INPP5J: variants seen among roughly 807,000 people sequenced by gnomAD.
INPP5J encodes the protein inositol polyphosphate-5-phosphatase J.
A neutral mutation model predicts 86.6 loss-of-function variants in INPP5J; 75 were observed. The observed-to-expected ratio is 0.87, with a 90% CI of 0.72 to 1.05. The LOEUF is 1.05. Ranked by LOEUF, INPP5J falls within the 50% of genes least tolerant of loss-of-function variation. INPP5J has a pLI of 0.00. For synonymous variants in INPP5J, 540 were observed against 550.0 expected (o/e 0.98, Z 0.25); for missense variants, 1,229 against 1,341.2 (o/e 0.92, Z 1.31).
rs1280088543 is a variant in INPP5J at position 31,126,357 on chromosome 22, C to T, written c.1272-19C>T. The T allele has an allele frequency of 4.4e-6, 7 of 1,587,358 alleles. No individual in the cohort carries two copies. The highest frequency in any genetic ancestry group is 1.3e-5 in the African/African-American group (1 of 74,462). ...GGGAGTGGTGCCAGGACTACACCCT[C>T]ATATGCCCCTGCCCTCAGGATCACT... On this transcript the variant is annotated intron_variant, in intron 2 of 12. Transcript: ENST00000331075.
chr22:31,130,085 T>C (rs1370979763), intron 9 of INPP5J, among the ~76,000 whole-genome samples: 1 of 152,094 alleles, frequency 6.6e-6, no homozygotes, highest in Non-Finnish European at 1.5e-5. Context: ...CTCACGCCTG[T>C]AATCCCAGCA....
At position 31,127,398 on chromosome 22, in the gene INPP5J, G is replaced by C; in HGVS notation, c.1653G>C (p.Gly551=). ...TGAGCGTGCGCCTGGCGGCCTTCGGGCACATGCTCTGCTTCCTGAACTGCC... is the reference window on the plus strand; with the variant it reads ...TGAGCGTGCGCCTGGCGGCCTTCGGCCACATGCTCTGCTTCCTGAACTGCC... ...GGVSVRLAAF[G]HMLCFLNCHL... is the part of the protein sequence containing the mutation. Residue 551 remains glycine, a synonymous_variant, in exon 6 of 13, where the codon GGG becomes GGC. Transcript: ENST00000331075. 1 of 1,613,548 alleles carries C rather than the reference G, an allele frequency of 6.2e-7. No homozygotes were observed. The highest frequency in any genetic ancestry group is 2.2e-5 in the East Asian group (1 of 44,862).
chr22:31,134,114 C>T lies in INPP5J; in HGVS notation c.2716C>T (p.Arg906Cys), dbSNP rs112969065. ...TGCCCTACGGCCCTCATCCCGTGAA[C>T]GCCGTGGTGCCAGCCGTAGCCCCTC... ...GLALRPSSRERRGASRSPSPQ... is the reference protein window; with the variant it reads ...GLALRPSSRECRGASRSPSPQ... The change falls in exon 13 of 13, where the codon CGC (arginine) becomes TGC (cysteine). Residue 906 changes from arginine (R) to cysteine (C), a missense_variant. Arg to Cys is a radical substitution (Grantham distance 180). Coordinates refer to ENST00000331075, the MANE Select transcript of INPP5J (RefSeq NM_001284285.2). The T allele has an allele frequency of 1.5e-4, 235 of 1,551,826 alleles. No individual in the cohort carries two copies. Among genetic ancestry groups the T allele is most frequent in the Non-Finnish European group, 1.7e-4 (194 of 1,147,806 alleles).
Position 31,133,432 on chromosome 22 carries a change from T to C in INPP5J, c.2358T>C (p.Tyr786=), listed in dbSNP as rs373268443. Residue 786 remains tyrosine, a synonymous_variant, in exon 11 of 13, where the codon TAT becomes TAC. Coordinates refer to ENST00000331075, the MANE Select transcript of INPP5J (RefSeq NM_001284285.2). Reference sequence around the variant, plus strand: ...TGGGTTTCCGCCATTGCAAGGACTATGTGGCTTATGTCTGGGCCAAACATG... The same window carrying C: ...TGGGTTTCCGCCATTGCAAGGACTACGTGGCTTATGTCTGGGCCAAACATG... The part of the protein sequence containing the change: ...YRVGFRHCKD[Y]VAYVWAKHED... The C allele has an allele frequency of 1.2e-6, 2 of 1,613,772 alleles. No homozygotes were observed. The highest frequency in any genetic ancestry group is 2.2e-5 in the East Asian group (1 of 44,892).
chr22:31,128,455 C>A lies in INPP5J; in HGVS notation c.2010-16C>A, dbSNP rs947420734. The A allele has an allele frequency of 6.2e-7, 1 of 1,612,834 alleles. No individual in the cohort carries two copies. Among genetic ancestry groups the A allele is most frequent in the Middle Eastern group, 1.6e-4 (1 of 6,062 alleles). On this transcript the variant is annotated splice_polypyrimidine_tract_variant and intron_variant, in intron 8 of 12. Transcript: ENST00000331075. ...TCCCCAGCCCCTGAAACTTGGGGTA[C>A]CCCTGCTCACTGCAGTGCCAAGAAA...
chr22:31,125,167 C>T lies in INPP5J; in HGVS notation c.428C>T (p.Pro143Leu), dbSNP rs1199154027. The T allele has an allele frequency of 1.9e-6, 3 of 1,550,478 alleles. No homozygotes were observed. Among genetic ancestry groups the T allele is most frequent in the Non-Finnish European group, 2.6e-6 (3 of 1,146,986 alleles). The change falls in exon 2 of 13, where the codon CCT becomes CTT. Residue 143 changes from proline to leucine, a missense_variant. Physicochemically the swap from Pro to Leu is moderately conservative, Grantham distance 98. Transcript: ENST00000331075. Reference sequence around the variant, plus strand: ...CCGACGTCCCTGGGGCTGGTGATGCCTGCCTCAGCAGGGCCAAGATCTCCC... The same window carrying T: ...CCGACGTCCCTGGGGCTGGTGATGCTTGCCTCAGCAGGGCCAAGATCTCCC... ...LAPTSLGLVM[P>L]ASAGPRSPPV...
chr22:31,126,951 C>T lies in INPP5J; in HGVS notation c.1525C>T (p.Leu509=), dbSNP rs1388055326. ...VSSVRMQGVI[L]LLFAKYYHLP... is the part of the protein sequence containing the mutation. ...TTCGGTGAGGATGCAGGGTGTCATC[C>T]TGCTGCTGTTCGCCAAGTACTACCA... The change falls in exon 5 of 13, where the codon CTG becomes TTG. Residue 509 remains leucine, a synonymous_variant. Transcript: ENST00000331075. 6.2e-7 allele frequency: 1 copy of T among 1,610,478 alleles called. No individual in the cohort carries two copies. The highest frequency in any genetic ancestry group is 8.5e-7 in the Non-Finnish European group (1 of 1,178,420).
chr22:31,131,429 G>A (rs1922053847), intron 9 of INPP5J, among the ~76,000 whole-genome samples: 1 of 152,086 alleles, frequency 6.6e-6, no homozygotes, highest in Admixed American at 6.6e-5. Flanking sequence ...TGGGTGTGGT[G>A]GTGCGCACCT....
Position 31,126,496 on chromosome 22 carries a change from T to A in INPP5J, c.1385+7T>A, listed in dbSNP as rs1451231359. 4 of 1,612,452 alleles carry A rather than the reference T, an allele frequency of 2.5e-6. No individual in the cohort carries two copies. The highest frequency in any genetic ancestry group is 3.4e-6 in the Non-Finnish European group (4 of 1,178,890). ...CAGACATGATCGCCATAGGGTGAGG[T>A]GGCAGGGCATGTGGACCCCCTCCTG... On this transcript the variant is annotated splice_region_variant and intron_variant, in intron 3 of 12. Transcript: ENST00000331075.
At chr22:31,130,988 G>T (rs184509651) in intron 9 of INPP5J, among the ~76,000 whole-genome samples, 418 of 152,220 alleles carry the variant, frequency 2.7e-3, no homozygotes, top group Admixed American at 5.3e-3. Flanking sequence ...TTTCAGCCCT[G>T]AAACCCAACT....
In INPP5J at chr22:31,125,003, A is replaced by G. The variant is rs1348217166; in HGVS notation, c.264A>G (p.Pro88=). ...CATCTCCCCGACCAATCCTGGCTCC[A>G]CTGTGTACCCCTGAAGGGCAGAAAA... The part of the protein sequence containing the change: ...ALASPRPILA[P]LCTPEGQKTA... Residue 88 remains proline, a synonymous_variant, in exon 2 of 13, where the codon CCA becomes CCG. Transcript: ENST00000331075. 1.3e-6 allele frequency: 2 copies of G among 1,573,686 alleles called. No individual in the cohort carries two copies. The highest frequency in any genetic ancestry group is 1.9e-5 in the Admixed American group (1 of 53,306).
At position 31,133,127 on chromosome 22, in the gene INPP5J, G is replaced by A. The variant is rs1315252295; in HGVS notation, c.2223G>A (p.Val741=). The A allele has an allele frequency of 6.4e-7, 1 of 1,568,234 alleles. No homozygotes were observed. ...CCTTCAGGGACGACATGCCACTGGT[G>A]CGGCTGGAGGTGGCAGATGAGTGGG... is the stretch of plus-strand genomic sequence containing the variant. The part of the protein sequence containing the change: ...QFAFRDDMPL[V]RLEVADEWVR... Residue 741 remains valine (V), a synonymous_variant, in exon 10 of 13, where the codon GTG becomes GTA. Coordinates refer to ENST00000331075, the MANE Select transcript of INPP5J (RefSeq NM_001284285.2).
In INPP5J at chr22:31,125,941, C is replaced by T; in HGVS notation, c.1202C>T (p.Ser401Phe). 11 of 1,612,158 alleles carry T rather than the reference C, an allele frequency of 6.8e-6. No homozygotes were observed. The highest frequency in any genetic ancestry group is 8.5e-6 in the Non-Finnish European group (10 of 1,178,638). Reference sequence around the variant, plus strand: ...GCCCCAGCCCCAGTCACCACCTCCTCTTCTACATCCACCCTGTCATCCTCC... The same window carrying T: ...GCCCCAGCCCCAGTCACCACCTCCTTTTCTACATCCACCCTGTCATCCTCC... ...QEAPAPVTTS[S>F]STSTLSSSPW... The change falls in exon 2 of 13, where the codon TCT becomes TTT. Residue 401 changes from serine to phenylalanine, a missense_variant. Physicochemically the swap from Ser to Phe is radical, Grantham distance 155. Coordinates refer to ENST00000331075, the MANE Select transcript of INPP5J (RefSeq NM_001284285.2).
At chr22:31,126,332 G>C in intron 2 of INPP5J, 44 bp from the exon 3 acceptor site, 8 of 1,459,394 alleles carry the variant, frequency 5.5e-6, no homozygotes, top group Non-Finnish European at 7.6e-6. Context: ...TTGAGGGTGA[G>C]GGAGTGGTGC....
Position 31,125,974 on chromosome 22 carries a change from C to T in INPP5J, c.1235C>T (p.Ser412Leu). 2 of 1,599,872 alleles carry T rather than the reference C, an allele frequency of 1.3e-6. No homozygotes were observed. Among genetic ancestry groups the T allele is most frequent in the Non-Finnish European group, 1.7e-6 (2 of 1,170,114 alleles). ...TCCACCCTGTCATCCTCCCCTTGGT[C>T]AGCTCAGCCTACCTGGAAGAGCGAC... ...STSTLSSSPW[S>L]AQPTWKSDPG... Residue 412 changes from serine to leucine, a missense_variant, in exon 2 of 13, where the codon TCA becomes TTA. Physicochemically the swap from Ser to Leu is moderately radical, Grantham distance 145. Coordinates refer to ENST00000331075, the MANE Select transcript of INPP5J (RefSeq NM_001284285.2).
At position 31,128,538 on chromosome 22, in the gene INPP5J, C is replaced by T; in HGVS notation, c.2077C>T (p.Pro693Ser). 6.2e-7 allele frequency: 1 copy of T among 1,613,440 alleles called. No homozygotes were observed. Among genetic ancestry groups the T allele is most frequent in the Non-Finnish European group, 8.5e-7 (1 of 1,179,878 alleles). ...LWKVKAPGGGPSPSGRKSHRL... is the reference protein window; with the variant it reads ...LWKVKAPGGGSSPSGRKSHRL... ...GAAGGTCAAGGCTCCAGGTGGGGGT[C>T]CCAGCCCCTCAGGACGGAAGAGCCA... The change falls in exon 9 of 13, where the codon CCC (proline) becomes TCC (serine). Residue 693 changes from proline to serine, a missense_variant. Coordinates refer to ENST00000331075, the MANE Select transcript of INPP5J (RefSeq NM_001284285.2).
intron 1 of INPP5J, chr22:31,124,288 C>T: frequency 3.0e-6 from 3 of 987,370 alleles, no homozygotes; most frequent in Non-Finnish European, 3.6e-6. Flanking sequence ...AGGGCTGTAA[C>T]CAAGGGATTT....
chr22:31,126,094 C>G (rs1921391248), intron 2 of INPP5J, 84 bp downstream of exon 2: 1 of 1,265,940 alleles, frequency 7.9e-7, no homozygotes, highest in Admixed American at 2.8e-5. Context: ...TGTGCTCTAC[C>G]TCAGCTTCTC....
At chr22:31,122,787 A>G, upstream of INPP5J, 1 of 448,038 alleles carries the variant, frequency 2.2e-6, no homozygotes, top group Non-Finnish European at 3.9e-6. Context: ...GGCCAGGCAG[A>G]TGGGTACACT....
Sources: gnomAD v4.1 joint callset for allele counts (sites outside exome capture counted in the v4.1 genomes callset) on GRCh38, gnomAD v4.1.1 for gene constraint, MANE v1.5 for transcripts, NCBI Gene and HGNC (gene_info 2026-07-23, HGNC 2026-07-21) for gene names.